The following ANP32E variants were observed in gnomAD, a reference collection of about 807,000 sequenced individuals.
ANP32E encodes acidic nuclear phosphoprotein 32 family member E, also known as acidic leucine-rich nuclear phosphoprotein 32 family member E.
ANP32E carries 14 observed loss-of-function variants against 35.3 expected under a neutral mutation model. The observed-to-expected ratio is 0.40, with a 90% CI of 0.26 to 0.62. The LOEUF (loss-of-function observed/expected upper bound fraction) is 0.62, where lower values mean the gene tolerates loss of function less well. ANP32E is among the 20% of genes least tolerant of loss of function. ANP32E has a pLI of 0.45. For synonymous variants in ANP32E, 89 were observed against 110.4 expected (o/e 0.81, Z 1.22); for missense variants, 198 against 304.4 (o/e 0.65, Z 2.60).
chr1:150,231,770 A>T lies in ANP32E; in HGVS notation c.204+7T>A. The stretch of plus-strand genomic sequence containing the variant: ...AATCATGATGCTTCACGTAAATGCC[A>T]ACTTACTTTTCGAAGTTTATTTAAG... On this transcript the variant is annotated splice_region_variant and intron_variant, in intron 2 of 6. Coordinates refer to ENST00000583931, the MANE Select transcript of ANP32E (RefSeq NM_030920.5). The T allele has an allele frequency of 6.2e-7, 1 of 1,604,262 alleles. No homozygotes were observed. The highest frequency in any genetic ancestry group is 8.5e-7 in the Non-Finnish European group (1 of 1,177,272).
In ANP32E at chr1:150,229,065, C is replaced by T. The variant is rs781978711; in HGVS notation, c.493+7G>A. ...ATGACACACTTATGAGTATTAAGAA[C>T]GATTACCCTCATCATCCTCCTCTTC... is the stretch of plus-strand genomic sequence containing the variant. On this transcript the variant is annotated splice_region_variant and intron_variant, in intron 4 of 6. Coordinates refer to ENST00000583931, the MANE Select transcript of ANP32E (RefSeq NM_030920.5). 4 of 1,611,186 alleles carry T rather than the reference C, an allele frequency of 2.5e-6. No homozygotes were observed. The highest frequency in any genetic ancestry group is 2.2e-5 in the East Asian group (1 of 44,808).
chr1:150,224,327 C>G (rs1648697577), intron 5 of ANP32E, among the ~76,000 whole-genome samples: 1 of 152,020 alleles, frequency 6.6e-6, no homozygotes, highest in Non-Finnish European at 1.5e-5. Context: ...AATCCCAGCA[C>G]TTTGGGAGGC....
At chr1:150,230,407 T>A (rs1313215715) in intron 3 of ANP32E, among the ~76,000 whole-genome samples, 164 bp downstream of exon 3, 1 of 152,188 alleles carries the variant, frequency 6.6e-6, no homozygotes, top group Non-Finnish European at 1.5e-5. Context: ...TAAAAATTCA[T>A]CTGAATATTT....
intron 2 of ANP32E, 36 bp downstream of exon 2, chr1:150,231,741 T>C (rs374767340): frequency 5.0e-5 from 79 of 1,588,228 alleles, no homozygotes; most frequent in African/African-American, 6.8e-5. Flanking sequence ...AGCCGTGGCA[T>C]TGAAATCATG....
At chr1:150,228,695 C>T (rs1245456976) in intron 4 of ANP32E, among the ~76,000 whole-genome samples, 42 of 24,358 alleles carry the variant, frequency 1.7e-3, no homozygotes, top group Admixed American at 0.013. Context: ...TCCCTCTCAA[C>T]ATAAAAAAAA....
chr1:150,231,852 T>A lies in ANP32E; in HGVS notation c.129A>T (p.Glu43Asp). 6.2e-7 allele frequency: 1 copy of A among 1,613,290 alleles called. No homozygotes were observed. The highest frequency in any genetic ancestry group is 8.5e-7 in the Non-Finnish European group (1 of 1,179,852). The stretch of plus-strand genomic sequence containing the variant: ...CATTAGCCATACTCAGAAATTCTAG[T>A]TCTTTGAAAGTATCATTCAGGCCTT... ...EIEGLNDTFK[E>D]LEFLSMANVE... Residue 43 changes from glutamate (E) to aspartate (D), a missense_variant, in exon 2 of 7, where the codon GAA (glutamate) becomes GAT (aspartate). By Grantham distance (45) the Glu-to-Asp change is conservative (BLOSUM62 2). Transcript: ENST00000583931.
rs1430251768 is a variant in ANP32E, at chr1:150,235,356, G to C, written c.54+377C>G. Among the ~76,000 whole-genome samples the C allele has an allele frequency of 1.3e-5, 2 of 152,224 alleles. No individual in the cohort carries two copies. Among genetic ancestry groups the C allele is most frequent in the African/African-American group, 2.4e-5 (1 of 41,462 alleles). On this transcript the variant is annotated intron_variant, in intron 1 of 6. Transcript: ENST00000583931. The surrounding 1 kb of genome is among the most constrained non-coding windows in gnomAD (Gnocchi z 4.2). Reference sequence around the variant, plus strand: ...TTCTCAGGCGCCTATGGCTGCGGCAGGGGCTGAGTGGGACTGGGGGGTCGC... The same window carrying C: ...TTCTCAGGCGCCTATGGCTGCGGCACGGGCTGAGTGGGACTGGGGGGTCGC...
At chr1:150,222,123 A>G (rs1460849929) in intron 6 of ANP32E, among the ~76,000 whole-genome samples, 1 of 151,668 alleles carries the variant, frequency 6.6e-6, no homozygotes, top group Non-Finnish European at 1.5e-5. Flanking sequence ...AAAATAAAAT[A>G]AAATAAAATA....
rs1350615708 is a variant in ANP32E, at chr1:150,226,269, AG to A, written c.681+338del. 5.9e-5 allele frequency among the ~76,000 whole-genome samples: 9 copies of A among 152,162 alleles called. 1 individual carries two copies. The highest frequency in any genetic ancestry group is 3.2e-3 in the Middle Eastern group (1 of 316). ...TGATCCACTTGCCTCAGCCTCCAAA[AG>A]TACTGGGATTACAGGTGTGAGCCAC... is the stretch of plus-strand genomic sequence containing the variant. On this transcript the variant is annotated intron_variant, in intron 5 of 6. Coordinates refer to ENST00000583931, the MANE Select transcript of ANP32E (RefSeq NM_030920.5).
chr1:150,230,801 G>A, intron 2 of ANP32E, 108 bp from the exon 3 acceptor site: 1 of 1,038,712 alleles, frequency 9.6e-7, no homozygotes, highest in South Asian at 1.6e-5. Flanking sequence ...GAGTGCAGTG[G>A]TGCGATCTCC....
chr1:150,232,548 G>A (rs1649447932), intron 1 of ANP32E, among the ~76,000 whole-genome samples: 1 of 140,764 alleles, frequency 7.1e-6, no homozygotes, highest in South Asian at 2.2e-4. Flanking sequence ...TCGGCTCACT[G>A]TAACCTCTGC....
chr1:150,231,713 G>T, intron 2 of ANP32E, 64 bp downstream of exon 2: 2 of 1,379,972 alleles, frequency 1.4e-6, no homozygotes, highest in Non-Finnish European at 9.3e-7. Context: ...ATTCCATTTG[G>T]CCAAACACTA....
chr1:150,228,462 C>T (rs1553840709), intron 4 of ANP32E, among the ~76,000 whole-genome samples: 4 of 152,104 alleles, frequency 2.6e-5, no homozygotes. Flanking sequence ...GAGGCTGAGG[C>T]AGGTGGATCA....
At position 150,229,088 on chromosome 1, in the gene ANP32E, T is replaced by C; in HGVS notation, c.477A>G (p.Glu159=). 6.2e-7 allele frequency: 1 copy of C among 1,613,400 alleles called. No individual in the cohort carries two copies. Among genetic ancestry groups the C allele is most frequent in the Non-Finnish European group, 8.5e-7 (1 of 1,179,848 alleles). Residue 159 remains glutamate (E), a synonymous_variant, in exon 4 of 7, where the codon GAA becomes GAG. Coordinates refer to ENST00000583931, the MANE Select transcript of ANP32E (RefSeq NM_030920.5). ...AACGATTACCCTCATCATCCTCCTC[T>C]TCAGAGTCCGGCGCTTCATTATCCT... ...DQEDNEAPDS[E]EEDDEDGDED...
Position 150,235,113 on chromosome 1 carries a change from A to T in ANP32E, c.54+620T>A, listed in dbSNP as rs1258963703. Among the ~76,000 whole-genome samples the T allele has an allele frequency of 4.6e-5, 7 of 152,102 alleles. No homozygotes were observed. The highest frequency in any genetic ancestry group is 8.8e-5 in the Non-Finnish European group (6 of 67,980). On this transcript the variant is annotated intron_variant, in intron 1 of 6. Transcript: ENST00000583931. This position sits in a 1 kb window ranked among gnomAD's most constrained non-coding sequence, Gnocchi z 4.2. The stretch of plus-strand genomic sequence containing the variant: ...AGTCCCCAAACTCGCCCGCGGTCGG[A>T]GAACCCGCCGCTGACCCAGATTCCG...
intron 6 of ANP32E, 125 bp from the exon 7 acceptor site, chr1:150,220,886 G>A (rs1222809696): frequency 2.7e-6 from 2 of 745,170 alleles, no homozygotes; most frequent in Non-Finnish European, 4.6e-6. Flanking sequence ...TGTAATCCCA[G>A]CACTTTGGGA....
At chr1:150,226,921 C>G in intron 4 of ANP32E, 126 bp from the exon 5 acceptor site, 2 of 1,256,688 alleles carry the variant, frequency 1.6e-6, no homozygotes, top group Non-Finnish European at 2.1e-6. Context: ...TAACTCACAG[C>G]GATACTTTTT....
intron 4 of ANP32E, among the ~76,000 whole-genome samples, chr1:150,227,493 A>G (rs1005317939): frequency 2.0e-5 from 3 of 152,050 alleles, no homozygotes; most frequent in African/African-American, 7.2e-5. Context: ...GGATTAATGC[A>G]GAAACAAAAA....
intron 1 of ANP32E, among the ~76,000 whole-genome samples, chr1:150,233,039 T>G (rs1400206296): frequency 1.3e-5 from 2 of 151,662 alleles, no homozygotes; most frequent in Non-Finnish European, 2.9e-5. Context: ...CTGAGGCAGG[T>G]GGATCACTTG....
Sources: gnomAD v4.1 joint callset for allele counts (sites outside exome capture counted in the v4.1 genomes callset) on GRCh38, gnomAD v4.1.1 for gene constraint, Gnocchi (gnomAD v3.1) non-coding constraint, MANE v1.5 for transcripts, NCBI Gene and HGNC (gene_info 2026-07-23, HGNC 2026-07-21) for gene names.